The following UNC5D variants were observed in gnomAD, a reference collection of about 807,000 sequenced individuals.
UNC5D encodes unc-5 netrin receptor D.
UNC5D carries 39 observed loss-of-function variants against 105.4 expected under a neutral mutation model. The observed-to-expected ratio is 0.37, with a 90% CI of 0.29 to 0.48. The LOEUF is 0.48. UNC5D is among the 20% of genes least tolerant of loss of function. The pLI is 0.98. For synonymous variants in UNC5D, 452 were observed against 450.4 expected (o/e 1.00, Z -0.04); for missense variants, 991 against 1,202.4 (o/e 0.82, Z 2.60).
chr8:35,498,336 C>A lies in UNC5D; in HGVS notation c.104-50956C>A, dbSNP rs1291508727. On this transcript the variant is annotated intron_variant, in intron 1 of 16. Transcript: ENST00000404895. Reference sequence around the variant, plus strand: ...TATATTAAAGACTGGGTGACAAACCCAGTGAAAAGATGCAAAACCATCCTT... The same window carrying A: ...TATATTAAAGACTGGGTGACAAACCAAGTGAAAAGATGCAAAACCATCCTT... Among the ~76,000 whole-genome samples, 11 of 151,298 alleles carry A rather than the reference C, an allele frequency of 7.3e-5. 1 individual carries two copies. Among genetic ancestry groups the A allele is most frequent in the Admixed American group, 5.9e-4 (9 of 15,130 alleles).
At chr8:35,303,041 T>A (rs1330253717) in intron 1 of UNC5D, among the ~76,000 whole-genome samples, 1 of 152,082 alleles carries the variant, frequency 6.6e-6, no homozygotes, top group Non-Finnish European at 1.5e-5. Flanking sequence ...TAAATATATA[T>A]GTTATTCAAC....
intron 1 of UNC5D, among the ~76,000 whole-genome samples, chr8:35,526,548 G>C (rs1303923351): frequency 1.3e-5 from 2 of 152,166 alleles, no homozygotes; most frequent in African/African-American, 4.8e-5. Flanking sequence ...TAAAATGGAA[G>C]ACCTGTGAAT....
chr8:35,554,446 C>T (rs1475225246), intron 2 of UNC5D, among the ~76,000 whole-genome samples: 6 of 152,156 alleles, frequency 3.9e-5, no homozygotes, highest in Admixed American at 1.3e-4. Context: ...TATGGGAACT[C>T]GTCTTCCTTG....
intron 1 of UNC5D, among the ~76,000 whole-genome samples, chr8:35,288,909 C>T (rs186664051): frequency 6.6e-6 from 1 of 151,928 alleles, no homozygotes; most frequent in East Asian, 1.9e-4. Flanking sequence ...ACCATCAAAC[C>T]ACAAAGGAAG....
At chr8:35,239,701 C>T (rs933734420) in intron 1 of UNC5D, among the ~76,000 whole-genome samples, 2 of 152,018 alleles carry the variant, frequency 1.3e-5, no homozygotes, top group Non-Finnish European at 2.9e-5. Flanking sequence ...TGCTGATTGT[C>T]CCTTCGTCCA....
Position 35,456,440 on chromosome 8 carries a change from G to GC in UNC5D, c.104-92848dup, listed in dbSNP as rs1391900857. Among the ~76,000 whole-genome samples the GC allele has an allele frequency of 3.9e-5, 6 of 152,154 alleles. No individual in the cohort carries two copies. In the East Asian group the frequency reaches 1.2e-3, roughly 29 times the overall value. On this transcript the variant is annotated intron_variant, in intron 1 of 16. Coordinates refer to ENST00000404895, the MANE Select transcript of UNC5D (RefSeq NM_080872.4). ...GATCCACTGCTGAAGGTCACAACAA[G>GC]CCCCAATTATAAGTTTGGATACAAT...
intron 1 of UNC5D, among the ~76,000 whole-genome samples, chr8:35,533,553 C>T (rs1295115725): frequency 6.6e-6 from 1 of 152,212 alleles, no homozygotes; most frequent in African/African-American, 2.4e-5. Flanking sequence ...GGCAGGCCTC[C>T]TTGAGCTGTG....
At chr8:35,677,978 CTGTGTG>C (rs893961614) in intron 4 of UNC5D, among the ~76,000 whole-genome samples, 2 of 150,520 alleles carry the variant, frequency 1.3e-5, no homozygotes, top group Non-Finnish European at 3.0e-5. Context: ...GTGTATGTGT[CTGTGTG>C]TGTGTGTATA....
chr8:35,589,683 C>T (rs759912768), intron 3 of UNC5D, among the ~76,000 whole-genome samples: 1 of 152,122 alleles, frequency 6.6e-6, no homozygotes, highest in East Asian at 1.9e-4. Context: ...CCCTAGGTAA[C>T]CACTCATCTA....
intron 8 of UNC5D, among the ~76,000 whole-genome samples, chr8:35,717,127 T>G (rs1381269543): frequency 6.6e-6 from 1 of 152,204 alleles, no homozygotes; most frequent in African/African-American, 2.4e-5. Flanking sequence ...ATATACCAGT[T>G]CAAGTATGTT....
chr8:35,519,522 A>C (rs1283649149), intron 1 of UNC5D, among the ~76,000 whole-genome samples: 2 of 152,140 alleles, frequency 1.3e-5, no homozygotes, highest in Admixed American at 1.3e-4. Context: ...CTATATAGGT[A>C]TTTATTTAGT....
At chr8:35,474,437 G>T (rs949030209) in intron 1 of UNC5D, among the ~76,000 whole-genome samples, 1 of 152,148 alleles carries the variant, frequency 6.6e-6, no homozygotes, top group Admixed American at 6.5e-5. Context: ...TTGAGAGGTG[G>T]ACTGTAGAAA....
At chr8:35,690,022 C>A (rs1826278655) in intron 7 of UNC5D, among the ~76,000 whole-genome samples, 1 of 152,154 alleles carries the variant, frequency 6.6e-6, no homozygotes, top group Non-Finnish European at 1.5e-5. Flanking sequence ...CTGTTAAATA[C>A]CCCCATGAGT....
chr8:35,529,189 G>GT (rs1177276977), intron 1 of UNC5D, among the ~76,000 whole-genome samples: 1 of 127,860 alleles, frequency 7.8e-6, no homozygotes, highest in Non-Finnish European at 1.6e-5. Context: ...TAGGTCTAAC[G>GT]TTTAAGTCTT....
rs191564751 is a variant in UNC5D at position 35,650,335 on chromosome 8, A to G, written c.571-33212A>G. On this transcript the variant is annotated intron_variant, in intron 4 of 16. Coordinates refer to ENST00000404895, the MANE Select transcript of UNC5D (RefSeq NM_080872.4). ...TCTGAGGTCATATACTGTGGGTGTC[A>G]GGAGCCTCCCTTAGCCCTGAAGCAG... Among the ~76,000 whole-genome samples, 180 of 152,236 alleles carry G rather than the reference A, an allele frequency of 1.2e-3. 9 individuals carry two copies. In the East Asian group the frequency reaches 0.028, roughly 24 times the overall value.
At chr8:35,502,017 A>C (rs1812002130) in intron 1 of UNC5D, among the ~76,000 whole-genome samples, 1 of 152,228 alleles carries the variant, frequency 6.6e-6, no homozygotes, top group African/African-American at 2.4e-5. Flanking sequence ...ATAAGACAAG[A>C]GACTACAAAA....
chr8:35,624,746 ATTTT>A (rs1194590549), intron 4 of UNC5D, among the ~76,000 whole-genome samples: 1 of 152,146 alleles, frequency 6.6e-6, no homozygotes, highest in South Asian at 2.1e-4. Context: ...CTACAGTTTC[ATTTT>A]TTAAGGGGAA....
chr8:35,406,974 A>G (rs1487199937), intron 1 of UNC5D, among the ~76,000 whole-genome samples: 1 of 152,134 alleles, frequency 6.6e-6, no homozygotes, highest in East Asian at 1.9e-4. Context: ...ATGAACTATC[A>G]TGTACAGACA....
intron 1 of UNC5D, among the ~76,000 whole-genome samples, chr8:35,281,064 G>T (rs1806120056): frequency 6.6e-6 from 1 of 152,058 alleles, no homozygotes; most frequent in Admixed American, 6.6e-5. Flanking sequence ...AACTCACTCA[G>T]CTCTTCAGCA....
Sources: allele counts gnomAD v4.1 joint callset (sites outside exome capture counted in the v4.1 genomes callset), GRCh38; gene constraint gnomAD v4.1.1; transcripts MANE v1.5; gene names NCBI Gene and HGNC (gene_info 2026-07-23, HGNC 2026-07-21).